ZDHHC15: variants seen among roughly 807,000 people sequenced by gnomAD.
The protein encoded by ZDHHC15 is zDHHC palmitoyltransferase 15, also known as palmitoyltransferase ZDHHC15.
ZDHHC15 carries 19 observed loss-of-function variants against 31.7 expected under a neutral mutation model. The observed-to-expected ratio is 0.60, with a 90% CI of 0.42 to 0.88. The LOEUF is 0.88. ZDHHC15 is among the 40% of genes least tolerant of loss of function. The probability of loss-of-function intolerance (pLI) is 0.00; values close to 1 mark genes in which losing one functional copy is unlikely to be tolerated. For synonymous variants in ZDHHC15, 103 were observed against 90.0 expected, an observed-to-expected ratio of 1.14 and a Z score of -0.82; for missense variants, 209 against 251.2, an observed-to-expected ratio of 0.83 and a Z score of 1.14.
intron 10 of ZDHHC15, among the ~76,000 whole-genome samples, chrX:75,407,428 C>T (rs1180758752): frequency 5.6e-5 from 6 of 107,739 alleles, no homozygotes; most frequent in Non-Finnish European, 1.2e-4. Flanking sequence ...GCTGCCCTGC[C>T]CAGGAGGGAG....
At chrX:75,460,811 A>C (rs1241785408) in intron 3 of ZDHHC15, among the ~76,000 whole-genome samples, 2 of 112,097 alleles carry the variant, frequency 1.8e-5, no homozygotes, top group African/African-American at 6.5e-5. Flanking sequence ...CATTGAAGAT[A>C]GATAAGCCCA....
chrX:75,490,226 G>A (rs916494801), intron 2 of ZDHHC15, among the ~76,000 whole-genome samples: 7 of 111,107 alleles, frequency 6.3e-5, no homozygotes, highest in African/African-American at 2.3e-4. Flanking sequence ...TTCAAATTCA[G>A]GAAATACAGA....
intron 2 of ZDHHC15, among the ~76,000 whole-genome samples, chrX:75,500,557 A>C (rs1349188073): frequency 9.1e-6 from 1 of 109,507 alleles, no homozygotes; most frequent in African/African-American, 3.3e-5. Context: ...TTGTCTATGA[A>C]TAGTGATAGA....
intron 3 of ZDHHC15, among the ~76,000 whole-genome samples, chrX:75,475,427 T>C (rs957775083): frequency 2.7e-5 from 3 of 112,087 alleles, no homozygotes; most frequent in South Asian, 3.6e-4. Flanking sequence ...TCTACGTCAT[T>C]ATTTTGGATA....
intron 1 of ZDHHC15, among the ~76,000 whole-genome samples, chrX:75,510,504 T>A (rs1304075579): frequency 1.0e-5 from 1 of 98,064 alleles, no homozygotes; most frequent in Non-Finnish European, 2.1e-5. Flanking sequence ...GTCTGATCAG[T>A]TTATATTTCT....
chrX:75,499,026 A>T (rs778909277), intron 2 of ZDHHC15, among the ~76,000 whole-genome samples: 1 of 111,651 alleles, frequency 9.0e-6, no homozygotes, highest in South Asian at 3.8e-4. Flanking sequence ...CAAAACACAA[A>T]ATGGGGAAAG....
intron 3 of ZDHHC15, among the ~76,000 whole-genome samples, chrX:75,452,538 C>T (rs1212120182): frequency 9.0e-5 from 10 of 111,530 alleles, no homozygotes; most frequent in Non-Finnish European, 1.7e-4. Context: ...ACCAAGCAGA[C>T]CTAATAGACA....
At chrX:75,409,512 A>C (rs1195106568) in intron 10 of ZDHHC15, among the ~76,000 whole-genome samples, 2 of 87,642 alleles carry the variant, frequency 2.3e-5, no homozygotes, top group South Asian at 6.4e-4. Flanking sequence ...AAAAAAAAAA[A>C]ACACTACAAA....
rs1262502099 is a variant in ZDHHC15 at position 75,421,956 on chromosome X, T to C, written c.771A>G (p.Pro257=). ...AFCTPVFTSG[P]EKNGFNLGFI... ...AGCCAAGGTTGAACCCATTTTTCTC[T>C]GGGCCACTTGTAAACACTGGAGTGC... The change falls in exon 9 of 12, where the codon CCA becomes CCG. Residue 257 remains proline, a synonymous_variant. Transcript: ENST00000373367. 3 of 1,208,667 alleles carry C rather than the reference T, an allele frequency of 2.5e-6. No homozygotes were observed. Among genetic ancestry groups the C allele is most frequent in the Non-Finnish European group, 2.2e-6 (2 of 894,594 alleles).
At chrX:75,426,536 CAG>C (rs966346698) in intron 7 of ZDHHC15, among the ~76,000 whole-genome samples, 2 of 110,493 alleles carry the variant, frequency 1.8e-5, no homozygotes, top group Non-Finnish European at 3.8e-5. Flanking sequence ...TAATAGCCAT[CAG>C]AGAGAGAGCA....
At chrX:75,375,957 C>T (rs1401146990) in intron 11 of ZDHHC15, among the ~76,000 whole-genome samples, 2 of 111,617 alleles carry the variant, frequency 1.8e-5, no homozygotes, top group African/African-American at 6.5e-5. Flanking sequence ...CATGGCAGTT[C>T]TAAGTGTTTT....
chrX:75,379,298 C>T, intron 10 of ZDHHC15, 100 bp from the exon 11 acceptor site: 2 of 834,088 alleles, frequency 2.4e-6, no homozygotes, highest in Non-Finnish European at 3.6e-6. Flanking sequence ...TCTCTGCAGG[C>T]AACAGATACC....
At chrX:75,479,847 C>A (rs1036572032) in intron 2 of ZDHHC15, among the ~76,000 whole-genome samples, 1 of 112,056 alleles carries the variant, frequency 8.9e-6, no homozygotes, top group African/African-American at 3.2e-5. Flanking sequence ...TGATTTCATT[C>A]TTTCTTATGG....
At chrX:75,443,430 A>T (rs1420060344) in intron 4 of ZDHHC15, among the ~76,000 whole-genome samples, 2 of 112,045 alleles carry the variant, frequency 1.8e-5, no homozygotes, top group East Asian at 5.6e-4. Context: ...GAAAGCTGAA[A>T]CTGGATCCCT....
rs142978992 is a variant in ZDHHC15, at chrX:75,392,933, G to GTT, written c.968-13736_968-13735insAA. Among the ~76,000 whole-genome samples the GTT allele has an allele frequency of 1.2e-3, 130 of 104,936 alleles. 1 individual carries two copies. Among genetic ancestry groups the GTT allele is most frequent in the Non-Finnish European group, 1.9e-3 (96 of 51,371 alleles). The allele number at this position is 104,936 out of a possible 115,157, so 91.1% of individuals were successfully genotyped here. A position where few individuals can be genotyped will look rare whatever the true frequency, so the allele number is the denominator to read the frequency against. ...TTCAGGAAGCACTTCAGCAGGTCAT[G>GTT]GTTTTTTTTTTTTTCCTGATAAAGT... is the stretch of plus-strand genomic sequence containing the variant. On this transcript the variant is annotated intron_variant, in intron 10 of 11. Coordinates refer to ENST00000373367, the MANE Select transcript of ZDHHC15 (RefSeq NM_144969.3).
rs779242509 is a variant in ZDHHC15, at chrX:75,368,892, G to T, written c.*4086C>A. ...AGGACACAGACCTAACCCTTTTAGG[G>T]AAGTAAACAGTCATGGGTTGCATGC... On this transcript the variant is annotated 3_prime_UTR_variant, in exon 12 of 12. Transcript: ENST00000373367. 1.3e-4 allele frequency: 14 copies of T among 111,473 alleles called. No homozygotes were observed. The highest frequency in any genetic ancestry group is 1.5e-4 in the Non-Finnish European group (8 of 53,058). 9.2% of individuals were successfully genotyped at this position (111,473 alleles called of 1,213,427 possible).
At chrX:75,478,409 G>A (rs1347440151) in intron 3 of ZDHHC15, among the ~76,000 whole-genome samples, 1 of 111,130 alleles carries the variant, frequency 9.0e-6, no homozygotes, top group Non-Finnish European at 1.9e-5. Flanking sequence ...TTGAGACAGG[G>A]TCTTACTCTG....
intron 1 of ZDHHC15, among the ~76,000 whole-genome samples, chrX:75,510,852 T>C (rs1460295166): frequency 1.8e-5 from 1 of 54,846 alleles, no homozygotes; most frequent in Non-Finnish European, 3.3e-5. Flanking sequence ...TTGCGATAGT[T>C]TACTGAGAAT....
At chrX:75,405,745 T>C (rs2083404812) in intron 10 of ZDHHC15, among the ~76,000 whole-genome samples, 1 of 111,760 alleles carries the variant, frequency 8.9e-6, no homozygotes, top group Admixed American at 9.5e-5. Context: ...CCATTTTCAG[T>C]AAAGGGAGTA....
Sources: allele counts gnomAD v4.1 joint callset (sites outside exome capture counted in the v4.1 genomes callset), GRCh38; gene constraint gnomAD v4.1.1; transcripts MANE v1.5; gene names NCBI Gene and HGNC (gene_info 2026-07-23, HGNC 2026-07-21).